Variants in GRID2 observed in about 807,000 individuals in gnomAD.
GRID2 encodes glutamate receptor ionotropic, delta-2.
Under a neutral mutation model 114.8 loss-of-function variants are expected in GRID2, and 33 were observed. The observed-to-expected ratio is 0.29, with a 90% CI of 0.22 to 0.38. The LOEUF is 0.38. Ranked by LOEUF, GRID2 falls within the 10% of genes least tolerant of loss-of-function variation. The pLI is 1.00. For synonymous variants in GRID2, 505 were observed against 449.9 expected (o/e 1.12, Z -1.55); for missense variants, 1,184 against 1,257.7 (o/e 0.94, Z 0.89).
chr4:93,355,931 T>C (rs1761293350), intron 8 of GRID2, among the ~76,000 whole-genome samples: 1 of 152,026 alleles, frequency 6.6e-6, no homozygotes, highest in African/African-American at 2.4e-5. Context: ...TGTCTCTTAC[T>C]CTCAAAATCC....
chr4:92,393,948 A>G (rs1163901043), intron 1 of GRID2, among the ~76,000 whole-genome samples: 2 of 152,152 alleles, frequency 1.3e-5, no homozygotes, highest in Non-Finnish European at 2.9e-5. Flanking sequence ...GGTACTGGTC[A>G]CTGGTTACCA....
At chr4:93,000,441 C>T (rs1312146259) in intron 2 of GRID2, among the ~76,000 whole-genome samples, 2 of 151,458 alleles carry the variant, frequency 1.3e-5, no homozygotes, top group East Asian at 3.9e-4. Context: ...CTTGCCCTTT[C>T]TGGCAGAACT....
chr4:93,110,450 A>G (rs1007605894), intron 3 of GRID2, among the ~76,000 whole-genome samples: 1 of 152,150 alleles, frequency 6.6e-6, no homozygotes, highest in Non-Finnish European at 1.5e-5. Flanking sequence ...GAAATGGGGC[A>G]TCTCTCCAAC....
intron 14 of GRID2, among the ~76,000 whole-genome samples, chr4:93,725,811 C>G (rs1380137023): frequency 6.6e-6 from 1 of 152,078 alleles, no homozygotes; most frequent in Non-Finnish European, 1.5e-5. Flanking sequence ...ATGTCCTTCG[C>G]CCACTTGTTG....
At chr4:92,550,610 T>C (rs577417904) in intron 1 of GRID2, among the ~76,000 whole-genome samples, 1 of 152,294 alleles carries the variant, frequency 6.6e-6, no homozygotes, top group East Asian at 1.9e-4. Flanking sequence ...GTCTGAGGCT[T>C]GAAGAGCTTG....
intron 1 of GRID2, among the ~76,000 whole-genome samples, chr4:92,441,678 A>C (rs1322069446): frequency 1.3e-5 from 2 of 152,062 alleles, no homozygotes; most frequent in East Asian, 3.9e-4. Flanking sequence ...AACAGGCTTT[A>C]ATCTTTTTAA....
intron 2 of GRID2, among the ~76,000 whole-genome samples, chr4:92,707,878 CTG>C (rs752759288): frequency 3.2e-4 from 49 of 152,148 alleles, no homozygotes; most frequent in Non-Finnish European, 6.2e-4. Context: ...GTGATGAATT[CTG>C]TGAGAGAAAG....
intron 13 of GRID2, among the ~76,000 whole-genome samples, chr4:93,572,367 G>A (rs773274449): frequency 2.0e-5 from 3 of 152,024 alleles, no homozygotes; most frequent in Admixed American, 6.6e-5. Context: ...TATTTTGCAC[G>A]ATATGCTTTG....
chr4:93,800,859 G>A (rs981201586), intron 1 of GRID2, among the ~76,000 whole-genome samples: 5 of 151,974 alleles, frequency 3.3e-5, no homozygotes, highest in Non-Finnish European at 7.4e-5. Context: ...AAGGAATTCT[G>A]GCAATTAGCT....
At chr4:93,557,116 G>A (rs568308271) in intron 13 of GRID2, among the ~76,000 whole-genome samples, 4 of 152,174 alleles carry the variant, frequency 2.6e-5, no homozygotes, top group East Asian at 3.9e-4. Context: ...AGGAAAAAAC[G>A]GTACCAGCCA....
At chr4:92,512,418 GA>G (rs1724298624) in intron 1 of GRID2, among the ~76,000 whole-genome samples, 1 of 151,510 alleles carries the variant, frequency 6.6e-6, no homozygotes, top group African/African-American at 2.4e-5. Context: ...TAAGACAAAA[GA>G]AATTCTAAAA....
chr4:92,786,739 T>A (rs1337483304), intron 2 of GRID2, among the ~76,000 whole-genome samples: 1 of 151,934 alleles, frequency 6.6e-6, no homozygotes, highest in Non-Finnish European at 1.5e-5. Flanking sequence ...CATTATTACT[T>A]ACTCTGAAGA....
At chr4:92,634,015 C>G (rs1730938192) in intron 2 of GRID2, among the ~76,000 whole-genome samples, 1 of 151,550 alleles carries the variant, frequency 6.6e-6, no homozygotes, top group Non-Finnish European at 1.5e-5. Flanking sequence ...TCGTCTATAG[C>G]AGGGGTGTCC....
At chr4:92,331,959 C>T (rs1412751798) in intron 1 of GRID2, among the ~76,000 whole-genome samples, 1 of 152,092 alleles carries the variant, frequency 6.6e-6, no homozygotes, top group Non-Finnish European at 1.5e-5. Flanking sequence ...GTGACCCAGC[C>T]TTCATTAAAC....
chr4:93,321,451 G>A (rs954002938), intron 8 of GRID2, among the ~76,000 whole-genome samples: 5 of 152,160 alleles, frequency 3.3e-5, no homozygotes, highest in African/African-American at 1.2e-4. Context: ...AAGAAATATG[G>A]AAAGAAGGAT....
intron 2 of GRID2, among the ~76,000 whole-genome samples, chr4:92,654,686 C>A (rs1384588242): frequency 2.6e-5 from 4 of 151,422 alleles, no homozygotes; most frequent in African/African-American, 9.7e-5. Flanking sequence ...TTTTTCATAT[C>A]TCTGTTGGCT....
At chr4:92,513,000 C>T (rs368531475) in intron 1 of GRID2, among the ~76,000 whole-genome samples, 1 of 151,720 alleles carries the variant, frequency 6.6e-6, no homozygotes, top group East Asian at 1.9e-4. Flanking sequence ...AACATAAGTA[C>T]AAGATTAACA....
At chr4:93,638,211 T>A (rs1721592696) in intron 14 of GRID2, among the ~76,000 whole-genome samples, 1 of 152,042 alleles carries the variant, frequency 6.6e-6, no homozygotes, top group African/African-American at 2.4e-5. Context: ...TCTTTATTTT[T>A]TAAATGTTAG....
intron 8 of GRID2, among the ~76,000 whole-genome samples, chr4:93,250,293 A>G (rs978095118): frequency 2.6e-5 from 4 of 152,104 alleles, no homozygotes; most frequent in Non-Finnish European, 4.4e-5. Flanking sequence ...GGAGTTGAAC[A>G]ATGAGAACAC....
Sources: allele counts gnomAD v4.1 joint callset (sites outside exome capture counted in the v4.1 genomes callset), GRCh38; gene constraint gnomAD v4.1.1; transcripts MANE v1.5; gene names NCBI Gene and HGNC (gene_info 2026-07-23, HGNC 2026-07-21).